The following ILDR1 variants were observed in gnomAD, a reference collection of about 807,000 sequenced individuals.
The protein encoded by ILDR1 is immunoglobulin-like domain-containing receptor 1.
Under a neutral mutation model 62.4 loss-of-function variants are expected in ILDR1, and 56 were observed. That is an observed-to-expected ratio of 0.90 (90% CI 0.72 to 1.12). ILDR1 has a LOEUF of 1.12. Among genes scored for constraint, ILDR1 ranks in the 50% most tolerant of loss-of-function variants. The probability of loss-of-function intolerance (pLI) is 0.00; values close to 1 mark genes in which losing one functional copy is unlikely to be tolerated. For missense variants in ILDR1, 736 were observed against 710.6 expected (o/e 1.04, Z -0.41); for synonymous variants, 284 against 277.8 (o/e 1.02, Z -0.22).
intron 1 of ILDR1, among the ~76,000 whole-genome samples, chr3:122,019,581 G>A (rs2071828473): frequency 1.3e-5 from 2 of 152,166 alleles, no homozygotes; most frequent in South Asian, 4.1e-4. Flanking sequence ...CTTATGCCCA[G>A]TATTTCCTGA....
At chr3:122,000,857 A>AAC (rs941709423) in intron 5 of ILDR1, among the ~76,000 whole-genome samples, 2 of 152,180 alleles carry the variant, frequency 1.3e-5, no homozygotes, top group Non-Finnish European at 2.9e-5. Context: ...GTGTGGGGAA[A>AAC]ACACACACAC....
At chr3:122,044,708 G>A in the ILDR1 span, among the ~76,000 whole-genome samples, 1 of 151,092 alleles carries the variant, frequency 6.6e-6, no homozygotes, top group African/African-American at 2.4e-5. Context: ...TTTGCGTAGA[G>A]GTGTTTGTAG....
intron 5 of ILDR1, among the ~76,000 whole-genome samples, chr3:121,999,097 C>A (rs2071479479): frequency 6.6e-6 from 1 of 152,220 alleles, no homozygotes; most frequent in African/African-American, 2.4e-5. Flanking sequence ...TGTAAGACAG[C>A]AACCTCAGAG....
upstream of ILDR1, among the ~76,000 whole-genome samples, chr3:122,024,153 T>C (rs2071902411): frequency 6.6e-6 from 1 of 152,212 alleles, no homozygotes; most frequent in African/African-American, 2.4e-5. Context: ...AAAAGGGCTC[T>C]ATTATTAAGT....
At chr3:122,057,220 T>A in the ILDR1 span, among the ~76,000 whole-genome samples, 1 of 152,236 alleles carries the variant, frequency 6.6e-6, no homozygotes, top group Non-Finnish European at 1.5e-5. Flanking sequence ...AAAATGTATA[T>A]GCCCTTTAAC....
the ILDR1 span, among the ~76,000 whole-genome samples, chr3:122,049,397 C>T: frequency 3.9e-5 from 6 of 152,240 alleles, no homozygotes; most frequent in Admixed American, 1.3e-4. Flanking sequence ...TCCATTTGGT[C>T]TATAGTGTCG....
At chr3:122,002,066 G>A (rs1448203618) in intron 3 of ILDR1, among the ~76,000 whole-genome samples, 2 of 152,192 alleles carry the variant, frequency 1.3e-5, no homozygotes. Context: ...CTTGAGCCCA[G>A]GAAGTTGAAG....
chr3:122,004,468 GA>G (rs2107660045), intron 3 of ILDR1, among the ~76,000 whole-genome samples: 1 of 152,302 alleles, frequency 6.6e-6, no homozygotes, highest in East Asian at 1.9e-4. Context: ...AATTGAGGCT[GA>G]AAAAATTGGA....
In ILDR1 at chr3:122,007,009, A is replaced by T. The variant is rs766078424; in HGVS notation, c.211T>A (p.Phe71Ile). 2 of 1,612,782 alleles carry T rather than the reference A, an allele frequency of 1.2e-6. No individual in the cohort carries two copies. The highest frequency in any genetic ancestry group is 2.7e-5 in the African/African-American group (2 of 74,846). The change falls in exon 2 of 8, where the codon TTT (phenylalanine) becomes ATT (isoleucine). Residue 71 changes from phenylalanine to isoleucine, a missense_variant. By Grantham distance (21) the Phe-to-Ile change is conservative. Coordinates refer to ENST00000344209, the MANE Select transcript of ILDR1 (RefSeq NM_001199799.2). ...TACTCACACGCTGAGTAGTAGTCAA[A>T]GATAGGGTCCTTGCAGAAGGACTTG... The part of the protein sequence containing the change: ...RFKSFCKDPI[F>I]DYYSASYQAA...
chr3:122,051,079 C>G, the ILDR1 span, among the ~76,000 whole-genome samples: 1 of 152,070 alleles, frequency 6.6e-6, no homozygotes, highest in Non-Finnish European at 1.5e-5. Context: ...TTTTGGCTTT[C>G]GACAATTTGA....
chr3:122,042,077 C>T, the ILDR1 span, among the ~76,000 whole-genome samples: 10 of 103,876 alleles, frequency 9.6e-5, no homozygotes, highest in South Asian at 3.5e-3. Context: ...TCCCCCCACC[C>T]CACCACAGTC....
the ILDR1 span, among the ~76,000 whole-genome samples, chr3:122,044,827 G>T: frequency 1.3e-5 from 2 of 151,950 alleles, no homozygotes; most frequent in African/African-American, 4.8e-5. Context: ...TATCAGTCTT[G>T]CTAGTGGTCT....
In ILDR1 at chr3:122,006,855, G is replaced by A. The variant is rs527484580; in HGVS notation, c.229+136C>T. ...CCGTTTGTTTATCTATAAAACAGAG[G>A]AACTACATTAGGTGATCTTTGTGTC... On this transcript the variant is annotated intron_variant, in intron 2 of 7. Transcript: ENST00000344209. 31 of 867,408 alleles carry A rather than the reference G, an allele frequency of 3.6e-5. No homozygotes were observed. In the South Asian group the frequency reaches 4.4e-4, roughly 12 times the overall value. The allele number at this position is 867,408 out of a possible 1,614,324, so 53.7% of individuals were successfully genotyped here.
intron 1 of ILDR1, among the ~76,000 whole-genome samples, chr3:122,008,427 G>A (rs1483535112): frequency 6.6e-6 from 1 of 152,104 alleles, no homozygotes; most frequent in African/African-American, 2.4e-5. Flanking sequence ...TCTAGTGGGA[G>A]GTTTAGTGTG....
Position 122,001,823 on chromosome 3 carries a change from C to G in ILDR1, c.421G>C (p.Gly141Arg), listed in dbSNP as rs765136820. The change falls in exon 4 of 8, where the codon GGA becomes CGA. Residue 141 changes from glycine (G) to arginine (R), a missense_variant. By Grantham distance (125) the Gly-to-Arg change is moderately radical (BLOSUM62 -2). Transcript: ENST00000344209. ...GCCTCAATGGTGCAGTAATACACTC[C>G]ATGGTCCCACCACATCACTTCATTT... ...VINEVMWWDH[G>R]VYYCTIEAPG... 28 of 1,613,538 alleles carry G rather than the reference C, an allele frequency of 1.7e-5. No homozygotes were observed. The East Asian group carries it at 6.2e-4, about 36-fold the overall frequency.
At chr3:122,046,296 T>C in the ILDR1 span, among the ~76,000 whole-genome samples, 4 of 150,322 alleles carry the variant, frequency 2.7e-5, no homozygotes, top group African/African-American at 4.8e-5. Context: ...CCGCTGTTAG[T>C]CTGATGGGCT....
At chr3:121,997,177 G>A (rs2332034) in intron 5 of ILDR1, among the ~76,000 whole-genome samples, 76,379 of 151,592 alleles carry the variant, frequency 0.5, 19,766 homozygotes, top group East Asian at 0.78. Flanking sequence ...CTGGGATTAC[G>A]GGCATGAGCC....
chr3:122,058,910 A>T, the ILDR1 span, among the ~76,000 whole-genome samples: 1 of 152,050 alleles, frequency 6.6e-6, no homozygotes, highest in Non-Finnish European at 1.5e-5. Flanking sequence ...CATTTAAGAG[A>T]TATTTTAGCA....
chr3:121,987,991 C>A lies in ILDR1; in HGVS notation c.*376G>T, dbSNP rs1249020225. 2 of 354,912 alleles carry A rather than the reference C, an allele frequency of 5.6e-6. No homozygotes were observed. Among genetic ancestry groups the A allele is most frequent in the Non-Finnish European group, 1.1e-5 (2 of 182,152 alleles). 22.0% of individuals were successfully genotyped at this position (354,912 alleles called of 1,614,324 possible). Reference sequence around the variant, plus strand: ...GTGATCATGGGATCCTGGCTCATTGCAGCCTTGCACTCCTGGGCTCAAGGG... The same window carrying A: ...GTGATCATGGGATCCTGGCTCATTGAAGCCTTGCACTCCTGGGCTCAAGGG... On this transcript the variant is annotated 3_prime_UTR_variant, in exon 8 of 8. Transcript: ENST00000344209.
Sources: allele counts gnomAD v4.1 joint callset (sites outside exome capture counted in the v4.1 genomes callset), GRCh38; gene constraint gnomAD v4.1.1; transcripts MANE v1.5; gene names NCBI Gene and HGNC (gene_info 2026-07-23, HGNC 2026-07-21).